Variants in LRBA observed in about 807,000 individuals in gnomAD.
LRBA encodes the protein LPS responsive beige-like anchor protein, also known as lipopolysaccharide-responsive and beige-like anchor protein.
LRBA carries 176 observed loss-of-function variants against 330.0 expected under a neutral mutation model. That is an observed-to-expected ratio of 0.53 (90% CI 0.47 to 0.60). The LOEUF (loss-of-function observed/expected upper bound fraction) is 0.60, where lower values mean the gene tolerates loss of function less well. Ranked by LOEUF, LRBA falls within the 20% of genes least tolerant of loss-of-function variation. The pLI, the probability that LRBA is intolerant of heterozygous loss-of-function variation, is 0.00. For missense variants in LRBA, 3,259 were observed against 3,444.8 expected (o/e 0.95, Z 1.35); for synonymous variants, 1,230 against 1,193.0 (o/e 1.03, Z -0.64).
chr4:150,656,039 G>A (rs1401474541), intron 37 of LRBA, among the ~76,000 whole-genome samples: 2 of 152,110 alleles, frequency 1.3e-5, no homozygotes, highest in Non-Finnish European at 2.9e-5. Flanking sequence ...GAAGATGTGT[G>A]ATCAGATTCT....
At chr4:150,404,789 T>C (rs897468765) in intron 47 of LRBA, among the ~76,000 whole-genome samples, 9 of 152,230 alleles carry the variant, frequency 5.9e-5, no homozygotes, top group African/African-American at 2.2e-4. Flanking sequence ...TAGAAGTTAC[T>C]TACCCCAGAA....
intron 36 of LRBA, among the ~76,000 whole-genome samples, chr4:150,729,125 C>T (rs1730100401): frequency 6.6e-6 from 1 of 152,076 alleles, no homozygotes; most frequent in South Asian, 2.1e-4. Context: ...TCGAGACCAG[C>T]TGGGCAACAT....
intron 47 of LRBA, among the ~76,000 whole-genome samples, chr4:150,366,105 C>T (rs983169591): frequency 2.0e-5 from 3 of 151,804 alleles, no homozygotes; most frequent in Admixed American, 6.6e-5. Flanking sequence ...CTTAAATGTA[C>T]CATTTGACAA....
At chr4:150,369,723 T>G (rs1383349088) in intron 47 of LRBA, among the ~76,000 whole-genome samples, 2 of 152,128 alleles carry the variant, frequency 1.3e-5, no homozygotes, top group African/African-American at 4.8e-5. Flanking sequence ...AAAGAAAATA[T>G]AAATGAAATA....
chr4:150,936,287 T>C (rs1210228068), intron 2 of LRBA, among the ~76,000 whole-genome samples: 1 of 151,982 alleles, frequency 6.6e-6, no homozygotes, highest in Non-Finnish European at 1.5e-5. Flanking sequence ...TGCCAATGAT[T>C]AAGAAAAATT....
chr4:150,915,020 CCCTGAT>C (rs1052167970), intron 8 of LRBA, among the ~76,000 whole-genome samples: 1 of 151,990 alleles, frequency 6.6e-6, no homozygotes, highest in African/African-American at 2.4e-5. Context: ...TGATTCAAGA[CCCTGAT>C]CTCTTGAGGT....
At chr4:150,638,096 AT>A (rs5862932) in intron 37 of LRBA, among the ~76,000 whole-genome samples, 332 of 146,462 alleles carry the variant, frequency 2.3e-3, no homozygotes, top group African/African-American at 3.2e-3. Context: ...TTCTTTAATT[AT>A]TTTTTTTTTT....
At chr4:150,554,130 A>G (rs1485875019) in intron 40 of LRBA, among the ~76,000 whole-genome samples, 2 of 152,208 alleles carry the variant, frequency 1.3e-5, no homozygotes, top group African/African-American at 4.8e-5. Context: ...CTTGGAAATC[A>G]TTCTTATCTC....
At chr4:150,429,007 T>C (rs1164973859) in intron 46 of LRBA, among the ~76,000 whole-genome samples, 1 of 152,112 alleles carries the variant, frequency 6.6e-6, no homozygotes, top group Non-Finnish European at 1.5e-5. Flanking sequence ...CCTTTGTAGA[T>C]TGTAGGGATA....
intron 55 of LRBA, 102 bp from the exon 56 acceptor site, chr4:150,278,106 A>C: frequency 2.1e-6 from 2 of 939,044 alleles, no homozygotes; most frequent in Non-Finnish European, 3.1e-6. Context: ...CGGTGCAGAG[A>C]GAAGAGAGAG....
chr4:150,953,149 G>A (rs542231031), intron 2 of LRBA, among the ~76,000 whole-genome samples: 41 of 152,226 alleles, frequency 2.7e-4, no homozygotes, highest in African/African-American at 9.9e-4. Context: ...AAAATAACAT[G>A]CTAACTAAAT....
In LRBA at chr4:150,827,246, T is replaced by G. The variant is rs540643872; in HGVS notation, c.5171+934A>C. On this transcript the variant is annotated intron_variant, in intron 30 of 56. Transcript: ENST00000651943. ...CTAATGATTCAAGACTGCTTTTAACTTCTTTTATGACATTCACCCTTCTAT... is the reference window on the plus strand; with the variant it reads ...CTAATGATTCAAGACTGCTTTTAACGTCTTTTATGACATTCACCCTTCTAT... Among the ~76,000 whole-genome samples the G allele has an allele frequency of 1.8e-4, 28 of 152,340 alleles. No individual in the cohort carries two copies. In the South Asian group the frequency reaches 5.8e-3, roughly 32 times the overall value.
intron 42 of LRBA, among the ~76,000 whole-genome samples, chr4:150,479,790 A>T (rs776302611): frequency 4.6e-5 from 7 of 152,152 alleles, no homozygotes; most frequent in Non-Finnish European, 8.8e-5. Context: ...GCCAGCTCCC[A>T]TGTCATGTAA....
At chr4:150,689,542 T>C (rs1292965674) in intron 36 of LRBA, among the ~76,000 whole-genome samples, 1 of 152,120 alleles carries the variant, frequency 6.6e-6, no homozygotes, top group Non-Finnish European at 1.5e-5. Context: ...ATATATTCTC[T>C]ATTAAAGAAA....
At chr4:150,954,215 G>A (rs549202142) in intron 2 of LRBA, among the ~76,000 whole-genome samples, 130 of 151,248 alleles carry the variant, frequency 8.6e-4, no homozygotes, top group Admixed American at 1.2e-3. Context: ...CGGCCACCCC[G>A]TCTGGGAAGT....
chr4:150,296,994 T>C (rs1281067215), intron 53 of LRBA, among the ~76,000 whole-genome samples: 2 of 151,972 alleles, frequency 1.3e-5, no homozygotes, highest in Non-Finnish European at 2.9e-5. Context: ...AATTTTTACT[T>C]TCTTAGACTA....
chr4:150,897,295 T>C (rs1730193668), intron 15 of LRBA, among the ~76,000 whole-genome samples: 1 of 152,024 alleles, frequency 6.6e-6, no homozygotes, highest in Admixed American at 6.6e-5. Context: ...AATTTTACTT[T>C]ACCTGTAATA....
At chr4:150,587,962 G>T in intron 40 of LRBA, 86 bp downstream of exon 40, 1 of 1,407,378 alleles carries the variant, frequency 7.1e-7, no homozygotes, top group Non-Finnish European at 9.5e-7. Context: ...TTCAAACTAA[G>T]CCTGTCAGAT....
At position 150,361,526 on chromosome 4, in the gene LRBA, TTTC is replaced by T. The variant is rs1375065320; in HGVS notation, c.7195-11370_7195-11368del. Among the ~76,000 whole-genome samples, 5 of 152,190 alleles carry T rather than the reference TTTC, an allele frequency of 3.3e-5. No individual in the cohort carries two copies. In the East Asian group the frequency reaches 7.7e-4, roughly 23 times the overall value. ...CTCTGCATTATGGTGTTTGTTTCTC[TTTC>T]TTCTTCTCGCTTGACACTCTCTCTC... On this transcript the variant is annotated intron_variant, in intron 47 of 56. Coordinates refer to ENST00000651943, the MANE Select transcript of LRBA (RefSeq NM_001364905.1).
Sources: allele counts gnomAD v4.1 joint callset (sites outside exome capture counted in the v4.1 genomes callset), GRCh38; gene constraint gnomAD v4.1.1; transcripts MANE v1.5; gene names NCBI Gene and HGNC (gene_info 2026-07-23, HGNC 2026-07-21).